PDE1C: variants seen among roughly 807,000 people sequenced by gnomAD.
PDE1C encodes phosphodiesterase 1C.
PDE1C carries 62 observed loss-of-function variants against 93.1 expected under a neutral mutation model. That is an observed-to-expected ratio of 0.67 (90% confidence interval 0.54 to 0.82). PDE1C has a LOEUF of 0.82. Ranked by LOEUF, PDE1C falls within the 40% of genes least tolerant of loss-of-function variation. The probability of loss-of-function intolerance (pLI) is 0.00; values close to 1 mark genes in which losing one functional copy is unlikely to be tolerated. For synonymous variants in PDE1C, 325 were observed against 310.1 expected (o/e 1.05, Z -0.50); for missense variants, 742 against 884.6 (o/e 0.84, Z 2.04).
the PDE1C span, among the ~76,000 whole-genome samples, chr7:31,704,986 G>A: frequency 3.6e-4 from 55 of 152,226 alleles, no homozygotes; most frequent in Non-Finnish European, 7.4e-5. Context: ...CTCATCCTAA[G>A]CAATGATATC....
At chr7:31,884,218 T>A (rs1373557889) in intron 2 of PDE1C, among the ~76,000 whole-genome samples, 2 of 151,406 alleles carry the variant, frequency 1.3e-5, no homozygotes, top group African/African-American at 4.9e-5. Flanking sequence ...AGAAAAAAAA[T>A]TCATGAAGAG....
At chr7:31,802,949 G>A (rs1334022005) in intron 16 of PDE1C, among the ~76,000 whole-genome samples, 1 of 151,534 alleles carries the variant, frequency 6.6e-6, no homozygotes, top group East Asian at 1.9e-4. Context: ...TGGATTTATA[G>A]TTTTCATCAT....
intron 2 of PDE1C, among the ~76,000 whole-genome samples, chr7:31,996,431 T>A (rs936020340): frequency 6.6e-6 from 1 of 152,210 alleles, no homozygotes; most frequent in Non-Finnish European, 1.5e-5. Context: ...ACTGCTTTCA[T>A]AAGAGGAAAC....
chr7:32,167,431 A>C (rs898596474), intron 3 of PDE1C, among the ~76,000 whole-genome samples: 1 of 152,192 alleles, frequency 6.6e-6, no homozygotes, highest in Non-Finnish European at 1.5e-5. Context: ...AAAAGACAAC[A>C]GAAGCCACAG....
chr7:32,168,107 A>C (rs769463308), intron 3 of PDE1C, among the ~76,000 whole-genome samples: 1 of 152,170 alleles, frequency 6.6e-6, no homozygotes, highest in Non-Finnish European at 1.5e-5. Context: ...TAAATAAATA[A>C]ATAAATGCTA....
At chr7:31,652,000 G>A in the PDE1C span, 42 of 1,606,100 alleles carry the variant, frequency 2.6e-5, no homozygotes, top group Non-Finnish European at 3.6e-5. Context: ...GGCAGAGTTG[G>A]AATTTCAGTT....
chr7:32,425,527 TAAAG>T (rs148871792), intron 1 of PDE1C, among the ~76,000 whole-genome samples: 10,384 of 152,234 alleles, frequency 0.068, 393 homozygotes, highest in Non-Finnish European at 0.084. Context: ...ATCAAAAAGT[TAAAG>T]TTAAAAGTAT....
At chr7:31,874,639 T>C (rs886534296) in intron 5 of PDE1C, among the ~76,000 whole-genome samples, 8 of 152,190 alleles carry the variant, frequency 5.3e-5, no homozygotes, top group South Asian at 2.1e-4. Flanking sequence ...TCAGGGAAAA[T>C]AGAATTGCAT....
the PDE1C span, among the ~76,000 whole-genome samples, chr7:31,683,813 CTCAA>C: frequency 1.5e-4 from 23 of 152,230 alleles, no homozygotes; most frequent in African/African-American, 5.3e-4. Flanking sequence ...TCTGGAAATG[CTCAA>C]TCATTTTATA....
At position 32,096,448 on chromosome 7, in the gene PDE1C, A is replaced by G. The variant is rs539857052; in HGVS notation, c.308+73337T>C. ...GGGCCATAGGGTGCATAAAATGTCA[A>G]GAGAATAAACTGTTTATTTCCCCTG... is the stretch of plus-strand genomic sequence containing the variant. On this transcript the variant is annotated intron_variant, in intron 3 of 18. Transcript: ENST00000396193. 5.1e-4 allele frequency among the ~76,000 whole-genome samples: 78 copies of G among 152,322 alleles called. 1 individual carries two copies. The South Asian group carries it at 0.016, about 32-fold the overall frequency.
At chr7:32,079,991 T>C (rs533324085) in intron 3 of PDE1C, among the ~76,000 whole-genome samples, 13 of 152,124 alleles carry the variant, frequency 8.5e-5, no homozygotes, top group African/African-American at 3.1e-4. Context: ...ATCTAAGACC[T>C]GAAGGAAAAG....
chr7:32,299,284 C>G, exon 1 of PDE1C: 1 of 986,538 alleles, frequency 1.0e-6, no homozygotes, highest in Non-Finnish European at 1.2e-6. Flanking sequence ...AAGGCAAACC[C>G]CTCAGCCATG....
At chr7:32,240,071 T>C (rs900767077) in intron 1 of PDE1C, among the ~76,000 whole-genome samples, 1 of 152,186 alleles carries the variant, frequency 6.6e-6, no homozygotes, top group South Asian at 2.1e-4. Context: ...TTGTGTGGAT[T>C]TTTTGTTGTT....
rs184128515 is a variant in PDE1C, at chr7:31,888,142, T to C, written c.129-7282A>G. ...GCAGGTGCCTGTAGTCCCAGCTACTTGGGAGGCTGAGGTAGGAGAATGGTG... is the reference window on the plus strand; with the variant it reads ...GCAGGTGCCTGTAGTCCCAGCTACTCGGGAGGCTGAGGTAGGAGAATGGTG... On this transcript the variant is annotated intron_variant, in intron 2 of 17. Coordinates refer to ENST00000396191, the MANE Select transcript of PDE1C (RefSeq NM_001191057.4). 1.3e-3 allele frequency among the ~76,000 whole-genome samples: 194 copies of C among 146,690 alleles called. 5 individuals carry two copies. The highest frequency in any genetic ancestry group is 4.7e-3 in the African/African-American group (187 of 39,970).
chr7:32,246,817 A>C (rs1470157595), intron 1 of PDE1C, among the ~76,000 whole-genome samples: 1 of 152,246 alleles, frequency 6.6e-6, no homozygotes, highest in Non-Finnish European at 1.5e-5. Context: ...AAAATAACTC[A>C]TGTTAATAAC....
chr7:31,666,628 A>T, the PDE1C span, among the ~76,000 whole-genome samples: 2 of 152,224 alleles, frequency 1.3e-5, no homozygotes, highest in Non-Finnish European at 2.9e-5. Flanking sequence ...GGTATAAGTC[A>T]CATACAGTAA....
chr7:32,272,912 G>A (rs573037596), intron 1 of PDE1C, among the ~76,000 whole-genome samples: 3 of 152,188 alleles, frequency 2.0e-5, no homozygotes, highest in Non-Finnish European at 4.4e-5. Flanking sequence ...AGAATGCATT[G>A]AGCAAAAAGA....
At chr7:32,397,370 C>T (rs1184885652) in intron 1 of PDE1C, among the ~76,000 whole-genome samples, 1 of 151,994 alleles carries the variant, frequency 6.6e-6, no homozygotes, top group Non-Finnish European at 1.5e-5. Flanking sequence ...ATAACTACCC[C>T]GAGATACCAT....
chr7:32,366,959 G>T (rs1372563292), intron 1 of PDE1C, among the ~76,000 whole-genome samples: 1 of 151,998 alleles, frequency 6.6e-6, no homozygotes, highest in Non-Finnish European at 1.5e-5. Context: ...AACCCAGGAG[G>T]TGGAGTTTGC....
Sources: gnomAD v4.1 joint callset for allele counts (sites outside exome capture counted in the v4.1 genomes callset) on GRCh38, gnomAD v4.1.1 for gene constraint, MANE v1.5 for transcripts, NCBI Gene and HGNC (gene_info 2026-07-23, HGNC 2026-07-21) for gene names.